Variants in SNX18 observed in about 807,000 individuals in gnomAD.
SNX18 encodes sorting nexin-18.
A neutral mutation model predicts 48.7 loss-of-function variants in SNX18; 35 were observed. The observed-to-expected ratio is 0.72, with a 90% CI of 0.55 to 0.95. The LOEUF is 0.95. SNX18 is among the 40% of genes least tolerant of loss of function. The pLI, the probability that SNX18 is intolerant of heterozygous loss-of-function variation, is 0.00. For missense variants in SNX18, 824 were observed against 871.0 expected, an observed-to-expected ratio of 0.95 and a Z score of 0.68; for synonymous variants, 492 against 384.7, an observed-to-expected ratio of 1.28 and a Z score of -3.26.
the SNX18 span, among the ~76,000 whole-genome samples, chr5:54,557,744 T>C: frequency 6.6e-6 from 1 of 152,214 alleles, no homozygotes; most frequent in Non-Finnish European, 1.5e-5. Flanking sequence ...TTAGAAATGA[T>C]TGAGATGATA....
chr5:54,604,061 C>A, the SNX18 span, among the ~76,000 whole-genome samples: 1 of 152,156 alleles, frequency 6.6e-6, no homozygotes, highest in African/African-American at 2.4e-5. Context: ...ACTGGAGATT[C>A]AGGAATGGAG....
intron 1 of SNX18, among the ~76,000 whole-genome samples, chr5:54,521,676 G>C (rs1762035469): frequency 6.6e-6 from 1 of 152,140 alleles, no homozygotes; most frequent in South Asian, 2.1e-4. Context: ...TTGCCCTCCA[G>C]CTTGGGTGAC....
At chr5:54,602,601 G>A in the SNX18 span, among the ~76,000 whole-genome samples, 2 of 152,182 alleles carry the variant, frequency 1.3e-5, no homozygotes, top group Admixed American at 1.3e-4. Flanking sequence ...AGGAGAGACT[G>A]AGGCAAGTGT....
At position 54,545,542 on chromosome 5, in the gene SNX18, A is replaced by G. The variant is rs1157517320; in HGVS notation, c.*2110A>G. 6.6e-6 allele frequency: 1 copy of G among 152,176 alleles called. No individual in the cohort carries two copies. The highest frequency in any genetic ancestry group is 2.4e-5 in the African/African-American group (1 of 41,458). 9.4% of individuals were successfully genotyped at this position (152,176 alleles called of 1,614,324 possible). ...AATTATAAAAACTAAAGATGAAAGT[A>G]CAAGGAAGTATAAGTTATACTTATG... On this transcript the variant is annotated 3_prime_UTR_variant, in exon 2 of 2. Transcript: ENST00000381410.
intron 1 of SNX18, among the ~76,000 whole-genome samples, chr5:54,524,658 C>T (rs1425344499): frequency 6.6e-6 from 1 of 152,194 alleles, no homozygotes; most frequent in African/African-American, 2.4e-5. Context: ...TTTTGAAGCT[C>T]TGTATCATTA....
In SNX18 at chr5:54,518,861, G is replaced by C; in HGVS notation, c.909G>C (p.Thr303=). 2 of 1,613,050 alleles carry C rather than the reference G, an allele frequency of 1.2e-6. No individual in the cohort carries two copies. Among genetic ancestry groups the C allele is most frequent in the Non-Finnish European group, 1.7e-6 (2 of 1,179,418 alleles). ...ACATCTCCTACAAGCTGGTGCCCACGCACACGCAGGTGCCGGTGCATCGGC... is the reference window on the plus strand; with the variant it reads ...ACATCTCCTACAAGCTGGTGCCCACCCACACGCAGGTGCCGGTGCATCGGC... ...KSYISYKLVP[T]HTQVPVHRRY... is the part of the protein sequence containing the mutation. The change falls in exon 1 of 2, where the codon ACG becomes ACC. Residue 303 remains threonine, a synonymous_variant. Transcript: ENST00000381410.
At position 54,519,468 on chromosome 5, in the gene SNX18, C is replaced by T. The variant is rs1458485287; in HGVS notation, c.1516C>T (p.Leu506Phe). Residue 506 changes from leucine to phenylalanine, a missense_variant, in exon 1 of 2, where the codon CTC (leucine) becomes TTC (phenylalanine). By Grantham distance (22) the Leu-to-Phe change is conservative. Coordinates refer to ENST00000381410, the MANE Select transcript of SNX18 (RefSeq NM_001102575.2). ...AGATGCCTATGACGCCATTGGCGAGCTCTTCGCGGAGCAGCCCAGGCAGGA... is the reference window on the plus strand; with the variant it reads ...AGATGCCTATGACGCCATTGGCGAGTTCTTCGCGGAGCAGCCCAGGCAGGA... ...TGDAYDAIGELFAEQPRQDLD... is the reference protein window; with the variant it reads ...TGDAYDAIGEFFAEQPRQDLD... 1 of 1,614,206 alleles carries T rather than the reference C, an allele frequency of 6.2e-7. No homozygotes were observed. Among genetic ancestry groups the T allele is most frequent in the Non-Finnish European group, 8.5e-7 (1 of 1,180,044 alleles).
chr5:54,537,234 T>C (rs532966651), intron 1 of SNX18, among the ~76,000 whole-genome samples: 56 of 152,344 alleles, frequency 3.7e-4, no homozygotes, highest in African/African-American at 1.3e-3. Flanking sequence ...TTGGAGAGGC[T>C]GCACTACTTC....
the SNX18 span, among the ~76,000 whole-genome samples, chr5:54,586,314 C>T: frequency 2.6e-5 from 4 of 152,276 alleles, no homozygotes; most frequent in Admixed American, 2.0e-4. Flanking sequence ...TCACTAGCAA[C>T]TATTTACATC....
chr5:54,555,618 T>C, the SNX18 span, among the ~76,000 whole-genome samples: 1 of 152,042 alleles, frequency 6.6e-6, no homozygotes, highest in African/African-American at 2.4e-5. Flanking sequence ...GCATATCACT[T>C]GAGGCCAGGA....
At chr5:54,547,243 G>A (rs916959788), downstream of SNX18, among the ~76,000 whole-genome samples, 31 of 152,214 alleles carry the variant, frequency 2.0e-4, no homozygotes, top group African/African-American at 7.0e-4. Context: ...ACACTTAAAA[G>A]TATGCAAGAG....
chr5:54,568,474 AC>A, the SNX18 span, among the ~76,000 whole-genome samples: 19 of 152,204 alleles, frequency 1.2e-4, no homozygotes, highest in African/African-American at 4.3e-4. Flanking sequence ...GGGAACCCCT[AC>A]TTGACTCATT....
the SNX18 span, among the ~76,000 whole-genome samples, chr5:54,600,686 A>G: frequency 6.6e-6 from 1 of 152,212 alleles, no homozygotes; most frequent in South Asian, 2.1e-4. Flanking sequence ...AGGGATGTGG[A>G]TGAAGCCAGA....
the SNX18 span, among the ~76,000 whole-genome samples, chr5:54,590,406 C>T: frequency 6.6e-6 from 1 of 152,162 alleles, no homozygotes; most frequent in Non-Finnish European, 1.5e-5. Context: ...TGTTTTAGTG[C>T]CATTCTTTGT....
chr5:54,550,216 C>G (rs1440165531), downstream of SNX18, among the ~76,000 whole-genome samples: 1 of 152,102 alleles, frequency 6.6e-6, no homozygotes, highest in African/African-American at 2.4e-5. Flanking sequence ...AGTGTCAGGT[C>G]CATAAGTCTG....
At chr5:54,582,935 G>T in the SNX18 span, among the ~76,000 whole-genome samples, 1 of 152,194 alleles carries the variant, frequency 6.6e-6, no homozygotes, top group African/African-American at 2.4e-5. Flanking sequence ...TGGGTGTTTG[G>T]TTTAGGTTGC....
the SNX18 span, among the ~76,000 whole-genome samples, chr5:54,561,079 A>C: frequency 3.3e-5 from 5 of 152,114 alleles, no homozygotes; most frequent in Non-Finnish European, 5.9e-5. Flanking sequence ...TTTTGTTCTG[A>C]TTGCCCAGGC....
chr5:54,529,840 GATAATGCTGAAAAAT>G (rs1762221283), intron 1 of SNX18, among the ~76,000 whole-genome samples: 1 of 152,138 alleles, frequency 6.6e-6, no homozygotes, highest in African/African-American at 2.4e-5. Context: ...TACAATAGCT[GATAATGCTGAAAAAT>G]ATTTTTCAGC....
the SNX18 span, among the ~76,000 whole-genome samples, chr5:54,582,618 CAAA>C: frequency 6.6e-6 from 1 of 151,402 alleles, no homozygotes; most frequent in Non-Finnish European, 1.5e-5. Flanking sequence ...AACCAAAAAA[CAAA>C]AAAACAACAA....
Sources: gnomAD v4.1 joint callset for allele counts (sites outside exome capture counted in the v4.1 genomes callset) on GRCh38, gnomAD v4.1.1 for gene constraint, MANE v1.5 for transcripts, NCBI Gene and HGNC (gene_info 2026-07-23, HGNC 2026-07-21) for gene names.